The following PRKCE variants were observed in gnomAD, a reference collection of about 807,000 sequenced individuals.
PRKCE encodes protein kinase C epsilon, also known as protein kinase C epsilon type.
PRKCE carries 16 observed loss-of-function variants against 85.4 expected under a neutral mutation model. That is an observed-to-expected ratio of 0.19 (90% CI 0.13 to 0.28). The LOEUF is 0.28. Among genes scored for constraint, PRKCE ranks in the 10% least tolerant of loss-of-function variants. The pLI is 1.00. For missense variants in PRKCE, 573 were observed against 975.2 expected, an observed-to-expected ratio of 0.59 and a Z score of 5.49; for synonymous variants, 388 against 371.5, an observed-to-expected ratio of 1.04 and a Z score of -0.51.
At chr2:45,808,234 G>A (rs1192782779) in intron 1 of PRKCE, among the ~76,000 whole-genome samples, 2 of 152,108 alleles carry the variant, frequency 1.3e-5, no homozygotes, top group South Asian at 2.1e-4. Flanking sequence ...AACATTCAAC[G>A]TGTGTTTTAC....
intron 2 of PRKCE, among the ~76,000 whole-genome samples, chr2:45,934,050 G>A (rs1699258231): frequency 6.6e-6 from 1 of 152,058 alleles, no homozygotes; most frequent in African/African-American, 2.4e-5. Flanking sequence ...AGTTCCAGAG[G>A]TAGTCTCCTA....
intron 1 of PRKCE, among the ~76,000 whole-genome samples, chr2:45,691,651 G>A (rs1245638715): frequency 6.6e-6 from 1 of 152,216 alleles, no homozygotes; most frequent in Non-Finnish European, 1.5e-5. Flanking sequence ...TGTGTGAAGA[G>A]AGACAGTTTT....
At position 45,888,535 on chromosome 2, in the gene PRKCE, C is replaced by T. The variant is rs117480280; in HGVS notation, c.412+45472C>T. Among the ~76,000 whole-genome samples, 127 of 138,502 alleles carry T rather than the reference C, an allele frequency of 9.2e-4. 1 individual carries two copies. In the East Asian group the frequency reaches 0.024, roughly 26 times the overall value. The allele number at this position is 138,502 out of a possible 152,430, so 90.9% of individuals were successfully genotyped here. ...TCACCCAGGCTGGACTGCAATGGCG[C>T]GATCTCCTGGGTTCAAGCAATTCTC... On this transcript the variant is annotated intron_variant, in intron 2 of 14. Transcript: ENST00000306156.
In PRKCE at chr2:45,895,640, C is replaced by T. The variant is rs1309970200; in HGVS notation, c.412+52577C>T. On this transcript the variant is annotated intron_variant, in intron 2 of 14. Transcript: ENST00000306156. This position sits in a 1 kb window ranked among gnomAD's most constrained non-coding sequence, Gnocchi z 4.8. ...CATTTGGTAGAAGTCACTCTAATGGCATGCAGGGTAGATGATGTCAGCTTT... is the reference window on the plus strand; with the variant it reads ...CATTTGGTAGAAGTCACTCTAATGGTATGCAGGGTAGATGATGTCAGCTTT... 6.6e-6 allele frequency among the ~76,000 whole-genome samples: 1 copy of T among 152,210 alleles called. No homozygotes were observed. The highest frequency in any genetic ancestry group is 2.4e-5 in the African/African-American group (1 of 41,446).
At chr2:45,991,069 C>T (rs1648659368) in intron 6 of PRKCE, among the ~76,000 whole-genome samples, 1 of 151,450 alleles carries the variant, frequency 6.6e-6, no homozygotes, top group African/African-American at 2.4e-5. Context: ...TGCAGCGGTG[C>T]AATCTCAGCT....
intron 6 of PRKCE, among the ~76,000 whole-genome samples, chr2:45,990,651 T>C (rs571489776): frequency 6.6e-6 from 1 of 152,160 alleles, no homozygotes; most frequent in East Asian, 1.9e-4. Flanking sequence ...ATATTCTAAA[T>C]TACTTTCTTT....
chr2:45,875,322 T>C (rs1246975387), intron 2 of PRKCE, among the ~76,000 whole-genome samples: 1 of 152,258 alleles, frequency 6.6e-6, no homozygotes, highest in Non-Finnish European at 1.5e-5. Context: ...TGTTAGCATT[T>C]TCATCTATTG....
chr2:46,028,943 G>A (rs1354026853), intron 10 of PRKCE, among the ~76,000 whole-genome samples: 1 of 152,134 alleles, frequency 6.6e-6, no homozygotes, highest in Admixed American at 6.5e-5. Context: ...AGTTTGCTAA[G>A]GATAATGGCC....
In PRKCE at chr2:45,984,535, C is replaced by G. The variant is rs1703156755; in HGVS notation, c.694-16C>G. ...GAGGAGCTCGGTGGTGAACCTGTAT[C>G]TTGCCATCCCTGCAGGTGGGCTCCC... is the stretch of plus-strand genomic sequence containing the variant. On this transcript the variant is annotated splice_polypyrimidine_tract_variant and intron_variant, in intron 5 of 14. Coordinates refer to ENST00000306156, the MANE Select transcript of PRKCE (RefSeq NM_005400.3). 2 of 1,598,788 alleles carry G rather than the reference C, an allele frequency of 1.3e-6. No homozygotes were observed. The highest frequency in any genetic ancestry group is 1.3e-5 in the African/African-American group (1 of 74,868).
chr2:46,087,796 C>A (rs1124787), intron 11 of PRKCE, among the ~76,000 whole-genome samples: 87,166 of 151,934 alleles, frequency 0.57, 26,049 homozygotes, highest in East Asian at 0.88. Flanking sequence ...TTCTGTTCTG[C>A]AGTTTGGGCT....
intron 11 of PRKCE, among the ~76,000 whole-genome samples, chr2:46,117,942 A>G (rs1258476397): frequency 6.6e-6 from 1 of 152,176 alleles, no homozygotes; most frequent in African/African-American, 2.4e-5. Flanking sequence ...AAGACTAGAA[A>G]AACATTTCTA....
At chr2:45,758,741 G>A (rs1186387716) in intron 1 of PRKCE, among the ~76,000 whole-genome samples, 1 of 152,164 alleles carries the variant, frequency 6.6e-6, no homozygotes, top group East Asian at 1.9e-4. Context: ...TTTCTCTACA[G>A]TTATGTCCCC....
Position 46,001,261 on chromosome 2 carries a change from AT to A in PRKCE, c.824-142del, listed in dbSNP as rs1020889513. ...TTTGTATGATGGAAGACATATATATATATATATATATTTCTGTATTTTCCAA... is the reference window on the plus strand; with the variant it reads ...TTTGTATGATGGAAGACATATATATAATATATATATTTCTGTATTTTCCAA... On this transcript the variant is annotated intron_variant, in intron 6 of 14. Coordinates refer to ENST00000306156, the MANE Select transcript of PRKCE (RefSeq NM_005400.3). The surrounding 1 kb of genome is among the most constrained non-coding windows in gnomAD (Gnocchi z 4.4). 9 of 473,806 alleles carry A rather than the reference AT, an allele frequency of 1.9e-5. No individual in the cohort carries two copies. Among genetic ancestry groups the A allele is most frequent in the Non-Finnish European group, 2.7e-5 (9 of 335,724 alleles). The allele number at this position is 473,806 out of a possible 1,614,324, so 29.4% of individuals were successfully genotyped here. A position where few individuals can be genotyped will look rare whatever the true frequency, so the allele number is the denominator to read the frequency against.
chr2:45,867,687 A>G (rs928718737), intron 2 of PRKCE, among the ~76,000 whole-genome samples: 3 of 152,152 alleles, frequency 2.0e-5, no homozygotes, highest in Admixed American at 1.3e-4. Flanking sequence ...TAGATTTTGC[A>G]TATCTTTTGT....
Position 45,690,165 on chromosome 2 carries a change from A to G in PRKCE, c.348+37717A>G, listed in dbSNP as rs540860805. On this transcript the variant is annotated intron_variant, in intron 1 of 14. Coordinates refer to ENST00000306156, the MANE Select transcript of PRKCE (RefSeq NM_005400.3). ...AAGACTCTTCAGTGTAGTAATCCAT[A>G]GTTCAATACTTAGTTGAACTAGAAT... Among the ~76,000 whole-genome samples, 14 of 152,354 alleles carry G rather than the reference A, an allele frequency of 9.2e-5. No individual in the cohort carries two copies. The South Asian group carries it at 1.2e-3, about 14-fold the overall frequency.
intron 1 of PRKCE, among the ~76,000 whole-genome samples, chr2:45,692,645 G>A (rs559656847): frequency 1.1e-3 from 169 of 152,028 alleles, no homozygotes; most frequent in Non-Finnish European, 2.9e-5. Context: ...GGAGACTGAT[G>A]GAAAAGATGA....
At chr2:45,976,713 A>G in intron 3 of PRKCE, 125 bp downstream of exon 3, 1 of 1,153,200 alleles carries the variant, frequency 8.7e-7, no homozygotes, top group Non-Finnish European at 1.2e-6. Context: ...CCTTATCTGA[A>G]TGCAGGGGAC....
At chr2:45,932,861 A>G (rs896652396) in intron 2 of PRKCE, among the ~76,000 whole-genome samples, 20 of 152,222 alleles carry the variant, frequency 1.3e-4, no homozygotes, top group African/African-American at 3.6e-4. Flanking sequence ...CATACTTCAT[A>G]TAAGTGGAAT....
At chr2:46,019,847 CTTTTTTTTTTT>C (rs869079304) in intron 10 of PRKCE, among the ~76,000 whole-genome samples, 3 of 105,894 alleles carry the variant, frequency 2.8e-5, no homozygotes. Context: ...TTGGTTTTCT[CTTTTTTTTTTT>C]TTTTTTTTTT....
Sources: allele counts gnomAD v4.1 joint callset (sites outside exome capture counted in the v4.1 genomes callset), GRCh38; gene constraint gnomAD v4.1.1; non-coding constraint Gnocchi (gnomAD v3.1); transcripts MANE v1.5; gene names NCBI Gene and HGNC (gene_info 2026-07-23, HGNC 2026-07-21).